Variants in CTNNA2 observed in about 807,000 individuals in gnomAD.
CTNNA2 encodes catenin alpha 2, also known as catenin alpha-2.
Under a neutral mutation model 101.0 loss-of-function variants are expected in CTNNA2, and 42 were observed. The observed-to-expected ratio is 0.42, with a 90% CI of 0.32 to 0.54. The LOEUF is 0.54. CTNNA2 is among the 20% of genes least tolerant of loss of function. The probability of loss-of-function intolerance (pLI) is 0.14; values close to 1 mark genes in which losing one functional copy is unlikely to be tolerated. For missense variants in CTNNA2, 871 were observed against 1,223.1 expected, an observed-to-expected ratio of 0.71 and a Z score of 4.29; for synonymous variants, 450 against 456.4, an observed-to-expected ratio of 0.99 and a Z score of 0.18.
intron 2 of CTNNA2, among the ~76,000 whole-genome samples, chr2:79,658,476 G>A (rs17716115): frequency 0.056 from 8,556 of 151,992 alleles, 314 homozygotes; most frequent in Non-Finnish European, 0.072. Context: ...ATCTAATACA[G>A]GGATTCATTT....
intron 2 of CTNNA2, among the ~76,000 whole-genome samples, chr2:79,237,738 A>T (rs1303798134): frequency 6.6e-6 from 1 of 152,146 alleles, no homozygotes; most frequent in Non-Finnish European, 1.5e-5. Flanking sequence ...AGATGGCTTT[A>T]CTCCTTAAAC....
Position 79,948,639 on chromosome 2 carries a change from A to G in CTNNA2, c.1056+38842A>G, listed in dbSNP as rs527966651. Reference sequence around the variant, plus strand: ...TTATCCAAGAGGACAGTCCATGTCTATTCCAGGAAAATATTAATGACTGTT... The same window carrying G: ...TTATCCAAGAGGACAGTCCATGTCTGTTCCAGGAAAATATTAATGACTGTT... On this transcript the variant is annotated intron_variant, in intron 7 of 18. Transcript: ENST00000402739. Among the ~76,000 whole-genome samples the G allele has an allele frequency of 7.9e-5, 12 of 152,372 alleles. No homozygotes were observed. In the South Asian group the frequency reaches 2.3e-3, roughly 29 times the overall value.
At chr2:79,910,569 C>G (rs1009427384) in intron 7 of CTNNA2, among the ~76,000 whole-genome samples, 2 of 152,164 alleles carry the variant, frequency 1.3e-5, no homozygotes, top group South Asian at 2.1e-4. Context: ...CTGTGCTTCC[C>G]CCTTTCCTGG....
At chr2:80,312,128 T>A (rs1032375035) in intron 7 of CTNNA2, among the ~76,000 whole-genome samples, 5 of 152,240 alleles carry the variant, frequency 3.3e-5, no homozygotes, top group Non-Finnish European at 7.3e-5. Context: ...AACATAAATT[T>A]GATTCTCTCA....
intron 17 of CTNNA2, among the ~76,000 whole-genome samples, chr2:80,613,986 A>G (rs984455373): frequency 3.3e-5 from 5 of 151,532 alleles, no homozygotes; most frequent in Non-Finnish European, 7.4e-5. Flanking sequence ...TTGTCATTCA[A>G]TCAGTAAAAT....
At chr2:80,247,455 C>G (rs566996014) in intron 7 of CTNNA2, among the ~76,000 whole-genome samples, 4 of 152,284 alleles carry the variant, frequency 2.6e-5, no homozygotes, top group South Asian at 2.1e-4. Flanking sequence ...GTGTGAACCT[C>G]CCCAACCTGA....
intron 2 of CTNNA2, among the ~76,000 whole-genome samples, chr2:79,742,028 T>C (rs938383614): frequency 6.6e-6 from 1 of 152,186 alleles, no homozygotes; most frequent in African/African-American, 2.4e-5. Flanking sequence ...TTTTACTAAA[T>C]GAGGATTGAT....
At chr2:79,648,831 T>G (rs1681013594) in intron 1 of CTNNA2, among the ~76,000 whole-genome samples, 1 of 152,224 alleles carries the variant, frequency 6.6e-6, no homozygotes. Context: ...GTCTCAACTG[T>G]ATCAGAAACA....
At chr2:79,795,579 G>A (rs1434913792) in intron 3 of CTNNA2, among the ~76,000 whole-genome samples, 2 of 151,922 alleles carry the variant, frequency 1.3e-5, no homozygotes, top group African/African-American at 4.8e-5. Flanking sequence ...ATTAGCAATT[G>A]TACTATTAAA....
At chr2:80,042,306 A>G (rs1696117778) in intron 7 of CTNNA2, among the ~76,000 whole-genome samples, 1 of 151,906 alleles carries the variant, frequency 6.6e-6, no homozygotes, top group Non-Finnish European at 1.5e-5. Context: ...TTGTTTGTTT[A>G]TTTGTTTTTT....
At chr2:79,971,090 G>A (rs540841863) in intron 7 of CTNNA2, among the ~76,000 whole-genome samples, 10 of 152,180 alleles carry the variant, frequency 6.6e-5, no homozygotes, top group African/African-American at 1.9e-4. Flanking sequence ...CTGGGGAGGC[G>A]AGACAGCCCC....
chr2:80,545,211 C>G (rs1186340139), intron 10 of CTNNA2, 137 bp downstream of exon 10: 3 of 802,100 alleles, frequency 3.7e-6, no homozygotes, highest in Non-Finnish European at 3.9e-6. Flanking sequence ...CAAGTTCTAC[C>G]TTTCTCAGAA....
intron 7 of CTNNA2, among the ~76,000 whole-genome samples, chr2:80,344,314 C>A (rs147881534): frequency 6.6e-6 from 1 of 152,102 alleles, no homozygotes; most frequent in African/African-American, 2.4e-5. Context: ...TTCGTAGATG[C>A]ACACCCACAC....
chr2:79,432,466 C>T (rs1678668682), intron 4 of CTNNA2, among the ~76,000 whole-genome samples: 1 of 152,104 alleles, frequency 6.6e-6, no homozygotes, highest in Non-Finnish European at 1.5e-5. Flanking sequence ...TTATGTTATT[C>T]CTTCTTTTTC....
At chr2:80,434,995 A>T (rs1031122276) in intron 9 of CTNNA2, among the ~76,000 whole-genome samples, 3 of 151,980 alleles carry the variant, frequency 2.0e-5, no homozygotes, top group African/African-American at 7.3e-5. Flanking sequence ...GGGTTTCTCA[A>T]CCTCCTCACT....
intron 7 of CTNNA2, among the ~76,000 whole-genome samples, chr2:80,247,033 G>T (rs383452): frequency 1.6e-4 from 24 of 151,800 alleles, no homozygotes; most frequent in African/African-American, 5.6e-4. Flanking sequence ...ATAGAATGTC[G>T]TTTAGTGAGT....
chr2:80,610,848 A>G (rs1698406921), intron 17 of CTNNA2, among the ~76,000 whole-genome samples: 1 of 151,630 alleles, frequency 6.6e-6, no homozygotes, highest in African/African-American at 2.4e-5. Flanking sequence ...GTGGGGACAG[A>G]TAATTCAACA....
chr2:79,509,689 A>T (rs1375853944), upstream of CTNNA2, among the ~76,000 whole-genome samples: 1 of 152,182 alleles, frequency 6.6e-6, no homozygotes, highest in African/African-American at 2.4e-5. Flanking sequence ...ATGTCGTTAT[A>T]CTTCTTTCAA....
chr2:80,175,049 C>T (rs771183506), intron 7 of CTNNA2, among the ~76,000 whole-genome samples: 1 of 152,220 alleles, frequency 6.6e-6, no homozygotes, highest in African/African-American at 2.4e-5. Context: ...CAAAGTCCTG[C>T]ATGGTCTAGC....
Sources: gnomAD v4.1 joint callset for allele counts (sites outside exome capture counted in the v4.1 genomes callset) on GRCh38, gnomAD v4.1.1 for gene constraint, MANE v1.5 for transcripts, NCBI Gene and HGNC (gene_info 2026-07-23, HGNC 2026-07-21) for gene names.